HNRNPC: variants seen among roughly 807,000 people sequenced by gnomAD.
HNRNPC encodes the protein heterogeneous nuclear ribonucleoprotein C.
In HNRNPC, 3 loss-of-function variants were observed where a neutral mutation model predicts 33.2. The observed-to-expected ratio is 0.09, with a 90% CI of 0.04 to 0.23. The LOEUF (loss-of-function observed/expected upper bound fraction) is 0.23. Among genes scored for constraint, HNRNPC ranks in the 10% least tolerant of loss-of-function variants. HNRNPC has a pLI of 1.00. For missense variants in HNRNPC, 143 were observed against 366.7 expected (o/e 0.39, Z 4.98); for synonymous variants, 121 against 126.7 (o/e 0.96, Z 0.30).
intron 2 of HNRNPC, among the ~76,000 whole-genome samples, chr14:21,252,057 A>G (rs578157511): frequency 6.6e-6 from 1 of 152,352 alleles, no homozygotes; most frequent in African/African-American, 2.4e-5. Context: ...TTATATCTAA[A>G]TTTGAGAATA....
chr14:21,245,277 C>G (rs1028262441), intron 2 of HNRNPC, among the ~76,000 whole-genome samples: 11 of 152,072 alleles, frequency 7.2e-5, no homozygotes, highest in African/African-American at 2.2e-4. Flanking sequence ...GGGTGGATCA[C>G]TTGAGGTCAG....
chr14:21,211,651 G>C (rs1273599813), intron 7 of HNRNPC, 85 bp from the exon 8 acceptor site: 1 of 1,490,476 alleles, frequency 6.7e-7, no homozygotes, highest in East Asian at 2.4e-5. Context: ...CAGAACTGCA[G>C]CACAAATCTA....
chr14:21,246,105 T>G (rs1031030100), intron 2 of HNRNPC, among the ~76,000 whole-genome samples: 4 of 152,096 alleles, frequency 2.6e-5, no homozygotes, highest in African/African-American at 7.2e-5. Flanking sequence ...ATTACAGGCG[T>G]GAACCACCAC....
At chr14:21,245,426 G>A (rs548154346) in intron 2 of HNRNPC, among the ~76,000 whole-genome samples, 1 of 152,212 alleles carries the variant, frequency 6.6e-6, no homozygotes, top group African/African-American at 2.4e-5. Flanking sequence ...GAACCCGGGG[G>A]GTGGAGGTTG....
intron 2 of HNRNPC, among the ~76,000 whole-genome samples, chr14:21,238,079 A>T (rs1002834940): frequency 1.3e-5 from 2 of 152,080 alleles, no homozygotes; most frequent in African/African-American, 4.8e-5. Context: ...CCCTGATCCC[A>T]TTTTCTTGCC....
intron 5 of HNRNPC, among the ~76,000 whole-genome samples, chr14:21,228,478 A>G (rs1893726095): frequency 1.3e-5 from 2 of 151,692 alleles, no homozygotes; most frequent in Non-Finnish European, 2.9e-5. Flanking sequence ...TGAAACCTCC[A>G]CCTCCCGGGA....
chr14:21,239,929 A>G (rs944837518), intron 2 of HNRNPC, among the ~76,000 whole-genome samples: 2 of 152,180 alleles, frequency 1.3e-5, no homozygotes, highest in African/African-American at 2.4e-5. Flanking sequence ...TCAAATTTCT[A>G]TTACACACAT....
rs1327709843 is a variant in HNRNPC at position 21,211,813 on chromosome 14, C to T, written c.634G>A (p.Ala212Thr). 1.9e-6 allele frequency: 3 copies of T among 1,611,416 alleles called. No homozygotes were observed. The highest frequency in any genetic ancestry group is 1.1e-5 in the South Asian group (1 of 90,972). The change falls in exon 7 of 9, where the codon GCA (alanine) becomes ACA (threonine). Residue 212 changes from alanine to threonine, a missense_variant. Ala to Thr is a moderately conservative substitution (Grantham distance 58). Coordinates refer to ENST00000553300, the MANE Select transcript of HNRNPC (RefSeq NM_004500.4). ...GGCAAGCAGAAAACCCATTTACCTG[C>T]TTGTTTGCTCTGTTCCTTTTCAATT... ...EKIEKEQSKQAVEMKNDKSEE... is the reference protein window; with the variant it reads ...EKIEKEQSKQTVEMKNDKSEE...
intron 2 of HNRNPC, among the ~76,000 whole-genome samples, chr14:21,250,026 T>C (rs578062768): frequency 8.2e-4 from 125 of 152,142 alleles, no homozygotes; most frequent in Non-Finnish European, 1.5e-3. Flanking sequence ...CTAATATAAC[T>C]GATAATCTAT....
At chr14:21,232,086 A>T (rs1349942014) in intron 3 of HNRNPC, among the ~76,000 whole-genome samples, 1 of 152,178 alleles carries the variant, frequency 6.6e-6, no homozygotes, top group Non-Finnish European at 1.5e-5. Flanking sequence ...TAAAAGAGCA[A>T]AGGGAAACAA....
chr14:21,231,158 A>G (rs1386168502), intron 3 of HNRNPC, 86 bp from the exon 4 acceptor site: 3 of 1,344,104 alleles, frequency 2.2e-6, no homozygotes. Flanking sequence ...TTTTTGAGAC[A>G]TAGTTTCGCT....
intron 2 of HNRNPC, among the ~76,000 whole-genome samples, chr14:21,248,878 A>G (rs1484932894): frequency 6.6e-6 from 1 of 152,214 alleles, no homozygotes; most frequent in African/African-American, 2.4e-5. Context: ...TGAAAGAAAC[A>G]ATGGTGTGGA....
chr14:21,266,055 C>A (rs184201160), intron 1 of HNRNPC, among the ~76,000 whole-genome samples: 166 of 152,258 alleles, frequency 1.1e-3, no homozygotes, highest in South Asian at 1.0e-3. Context: ...CGTTTGAGAA[C>A]CACTGTGAAG....
chr14:21,245,949 G>T (rs372309228), intron 2 of HNRNPC, among the ~76,000 whole-genome samples: 1 of 151,948 alleles, frequency 6.6e-6, no homozygotes, highest in Non-Finnish European at 1.5e-5. Flanking sequence ...AGGTTCAAGC[G>T]ATTTTGCCAC....
At chr14:21,214,013 A>C (rs1891892324) in intron 5 of HNRNPC, among the ~76,000 whole-genome samples, 2 of 152,358 alleles carry the variant, frequency 1.3e-5, no homozygotes, top group South Asian at 4.1e-4. Context: ...GAGAAAATTC[A>C]AAACAGAACA....
intron 2 of HNRNPC, among the ~76,000 whole-genome samples, chr14:21,250,280 A>T (rs1896485637): frequency 6.6e-6 from 1 of 152,152 alleles, no homozygotes; most frequent in Non-Finnish European, 1.5e-5. Context: ...CCACATTTAA[A>T]TACTTAGGGG....
chr14:21,231,445 C>CTCCGAA, intron 3 of HNRNPC: 1 of 456,556 alleles, frequency 2.2e-6, no homozygotes, highest in Non-Finnish European at 4.4e-6. Flanking sequence ...CAGCCTAGAC[C>CTCCGAA]TCCGAAGCTC....
At chr14:21,211,714 A>G (rs1215403307) in intron 7 of HNRNPC, 96 bp downstream of exon 7, 5 of 1,416,916 alleles carry the variant, frequency 3.5e-6, no homozygotes, top group Non-Finnish European at 4.9e-6. Context: ...GTTTCATATT[A>G]CATTGCTTTA....
intron 5 of HNRNPC, among the ~76,000 whole-genome samples, chr14:21,215,275 T>G (rs1382561648): frequency 6.6e-6 from 1 of 152,000 alleles, no homozygotes; most frequent in Non-Finnish European, 1.5e-5. Context: ...GGACGGTAAG[T>G]GTGAAAATAG....
Sources: allele counts gnomAD v4.1 joint callset (sites outside exome capture counted in the v4.1 genomes callset), GRCh38; gene constraint gnomAD v4.1.1; transcripts MANE v1.5; gene names NCBI Gene and HGNC (gene_info 2026-07-23, HGNC 2026-07-21).